Variants in THAP8 observed in about 807,000 individuals in gnomAD.
THAP8 encodes the protein THAP domain containing 8, also known as THAP domain-containing protein 8.
Under a neutral mutation model 25.0 loss-of-function variants are expected in THAP8, and 24 were observed. The ratio of observed to expected loss-of-function variants is 0.96; its 90% CI spans 0.69 to 1.35. THAP8 has a LOEUF of 1.35. THAP8 is among the 40% of genes most tolerant of loss of function. The probability of loss-of-function intolerance (pLI) is 0.00; values close to 1 mark genes in which losing one functional copy is unlikely to be tolerated. For missense variants in THAP8, 399 were observed against 368.8 expected, an observed-to-expected ratio of 1.08 and a Z score of -0.67; for synonymous variants, 169 against 157.6, an observed-to-expected ratio of 1.07 and a Z score of -0.54.
In THAP8 at chr19:36,035,268, G is replaced by A. The variant is rs1248381018; in HGVS notation, c.*172C>T. 7 of 799,730 alleles carry A rather than the reference G, an allele frequency of 8.8e-6. No individual in the cohort carries two copies. Among genetic ancestry groups the A allele is most frequent in the Non-Finnish European group, 1.3e-5 (7 of 538,642 alleles). The allele number at this position is 799,730 out of a possible 1,614,324, so 49.5% of individuals were successfully genotyped here. On this transcript the variant is annotated 3_prime_UTR_variant, in exon 4 of 4. Coordinates refer to ENST00000292894, the MANE Select transcript of THAP8 (RefSeq NM_152658.3). ...GGGCTGATGAGAGACTTGGGCCCAG[G>A]TCACCCCTAAGGTTCAAGAGATCCC...
At chr19:36,037,661 T>C (rs1969524618) in intron 3 of THAP8, among the ~76,000 whole-genome samples, 1 of 152,114 alleles carries the variant, frequency 6.6e-6, no homozygotes, top group South Asian at 2.1e-4. Flanking sequence ...TTTTTTGAGA[T>C]GGAGTGTTGC....
At chr19:36,039,830 A>C in intron 2 of THAP8, 112 bp from the exon 3 acceptor site, 1 of 1,558,792 alleles carries the variant, frequency 6.4e-7, no homozygotes, top group Non-Finnish European at 8.7e-7. Context: ...GCCAGACCTC[A>C]GGGAGGAAGT....
At chr19:36,043,276 C>T (rs1969763036) in intron 1 of THAP8, among the ~76,000 whole-genome samples, 1 of 152,080 alleles carries the variant, frequency 6.6e-6, no homozygotes, top group Non-Finnish European at 1.5e-5. Context: ...CACAGATGAA[C>T]TCTGAGGGCC....
At chr19:36,050,230 C>T (rs796785867) in intron 1 of THAP8, among the ~76,000 whole-genome samples, 3 of 152,156 alleles carry the variant, frequency 2.0e-5, no homozygotes, top group African/African-American at 4.8e-5. Context: ...ACTGCAGCCT[C>T]GGCTCCTGGG....
At chr19:36,051,039 TAATG>T (rs1386974234) in intron 1 of THAP8, among the ~76,000 whole-genome samples, 1 of 152,106 alleles carries the variant, frequency 6.6e-6, no homozygotes, top group East Asian at 1.9e-4. Context: ...GTGGGGGAGA[TAATG>T]AATGAATACA....
At chr19:36,052,207 G>C (rs147701342) in intron 1 of THAP8, among the ~76,000 whole-genome samples, 6,121 of 152,208 alleles carry the variant, frequency 0.04, 181 homozygotes, top group East Asian at 0.11. Flanking sequence ...ACCACACCTA[G>C]CTAATTTTTG....
chr19:36,052,989 G>A (rs1319536166), intron 1 of THAP8, among the ~76,000 whole-genome samples: 1 of 152,150 alleles, frequency 6.6e-6, no homozygotes, highest in Non-Finnish European at 1.5e-5. Context: ...TTGGGAGGCC[G>A]AGGCAGGAGG....
chr19:36,037,238 T>C (rs1969490176), intron 3 of THAP8, among the ~76,000 whole-genome samples: 1 of 106,094 alleles, frequency 9.4e-6, no homozygotes, highest in Non-Finnish European at 1.9e-5. Context: ...CTCAACTTCC[T>C]CCCCTACACA....
chr19:36,037,243 TACACACACACACACACAC>T (rs67358015), intron 3 of THAP8, among the ~76,000 whole-genome samples: 38,271 of 114,246 alleles, frequency 0.33, 5,836 homozygotes, highest in Non-Finnish European at 0.36. Flanking sequence ...CTTCCTCCCC[TACACACACACACACACAC>T]ACACACACAC....
intron 1 of THAP8, among the ~76,000 whole-genome samples, chr19:36,050,850 T>G (rs1970035954): frequency 6.6e-6 from 1 of 152,192 alleles, no homozygotes; most frequent in African/African-American, 2.4e-5. Context: ...CCGTGACACA[T>G]GGACTGCTGG....
chr19:36,046,807 A>G (rs778081266), intron 1 of THAP8, among the ~76,000 whole-genome samples: 5 of 152,144 alleles, frequency 3.3e-5, no homozygotes, highest in South Asian at 2.1e-4. Flanking sequence ...TGAGGCCACA[A>G]TGTGTCCTGC....
intron 1 of THAP8, among the ~76,000 whole-genome samples, chr19:36,049,604 T>A (rs988591392): frequency 2.0e-5 from 3 of 152,190 alleles, no homozygotes; most frequent in Admixed American, 6.6e-5. Flanking sequence ...CACTAGCGGG[T>A]GCCAATGAAG....
chr19:36,049,304 G>A (rs955883474), intron 1 of THAP8, among the ~76,000 whole-genome samples: 4 of 152,076 alleles, frequency 2.6e-5, no homozygotes, highest in Non-Finnish European at 4.4e-5. Context: ...GGCTGAAGCT[G>A]CATTGAGCCA....
intron 1 of THAP8, among the ~76,000 whole-genome samples, chr19:36,047,359 T>C (rs1389825195): frequency 6.6e-6 from 1 of 152,230 alleles, no homozygotes; most frequent in Non-Finnish European, 1.5e-5. Context: ...ACGGGGTTTC[T>C]GGGAAGGCCT....
At chr19:36,045,156 C>T (rs1009967681) in intron 1 of THAP8, among the ~76,000 whole-genome samples, 3 of 152,034 alleles carry the variant, frequency 2.0e-5, no homozygotes, top group African/African-American at 4.8e-5. Flanking sequence ...GGCGCAATCT[C>T]GGCTCACTGC....
chr19:36,042,357 C>A (rs766802561), intron 1 of THAP8, among the ~76,000 whole-genome samples: 1 of 152,098 alleles, frequency 6.6e-6, no homozygotes, highest in African/African-American at 2.4e-5. Flanking sequence ...TCAGGCCTGG[C>A]GTGGTGGCTC....
intron 3 of THAP8, among the ~76,000 whole-genome samples, chr19:36,037,976 G>A (rs1046457427): frequency 5.3e-4 from 80 of 151,572 alleles, no homozygotes; most frequent in African/African-American, 1.9e-3. Flanking sequence ...ATGGCGTCTC[G>A]CTCTGTTGCC....
rs767968033 is a variant in THAP8, at chr19:36,054,159, T to C, written c.59A>G (p.Asp20Gly). The change falls in exon 1 of 4, where the codon GAC (aspartate) becomes GGC (glycine). Residue 20 changes from aspartate (D) to glycine (G), a missense_variant. Transcript: ENST00000292894. Reference sequence around the variant, plus strand: ...CTTGTAGAAGCTCACAGGGCGGTTGTCTGCACCCAGGCGGCCCGCAGTGTT... The same window carrying C: ...CTTGTAGAAGCTCACAGGGCGGTTGCCTGCACCCAGGCGGCCCGCAGTGTT... Reference protein sequence around the residue: ...CSNTAGRLGADNRPVSFYKFP... With the variant: ...CSNTAGRLGAGNRPVSFYKFP... 10 of 1,613,956 alleles carry C rather than the reference T, an allele frequency of 6.2e-6. No individual in the cohort carries two copies. In the South Asian group the frequency reaches 9.9e-5, roughly 16 times the overall value.
At chr19:36,039,218 C>T in intron 3 of THAP8, 105 bp downstream of exon 3, 1 of 1,368,772 alleles carries the variant, frequency 7.3e-7, no homozygotes, top group South Asian at 1.6e-5. Flanking sequence ...GGAAACACGG[C>T]TGAATGTTCT....
Sources: allele counts gnomAD v4.1 joint callset (sites outside exome capture counted in the v4.1 genomes callset), GRCh38; gene constraint gnomAD v4.1.1; transcripts MANE v1.5; gene names NCBI Gene and HGNC (gene_info 2026-07-23, HGNC 2026-07-21).